Variants in CTXND2 observed in about 807,000 individuals in gnomAD.
CTXND2 encodes the protein cortexin domain containing 2.
intron 1 of CTXND2, among the ~76,000 whole-genome samples, chr1:150,901,179 C>CCT (rs1669020627): frequency 6.7e-6 from 1 of 148,860 alleles, no homozygotes; most frequent in Non-Finnish European, 1.5e-5. Context: ...AATAGGAATA[C>CCT]ATTTAAGAAA....
At chr1:150,888,069 TAAA>T (rs35935543) in intron 1 of CTXND2, among the ~76,000 whole-genome samples, 1 of 151,600 alleles carries the variant, frequency 6.6e-6, no homozygotes, top group South Asian at 2.1e-4. Flanking sequence ...AAAAGCCACT[TAAA>T]AAAAATTCTA....
chr1:150,893,129 T>C (rs914787529), intron 1 of CTXND2, among the ~76,000 whole-genome samples: 3 of 152,242 alleles, frequency 2.0e-5, no homozygotes, highest in Non-Finnish European at 1.5e-5. Flanking sequence ...AATGCCATTG[T>C]AAATGATGCT....
At chr1:150,903,169 T>C (rs778741133) in intron 1 of CTXND2, among the ~76,000 whole-genome samples, 25 of 152,118 alleles carry the variant, frequency 1.6e-4, no homozygotes, top group Non-Finnish European at 2.8e-4. Context: ...AATCCCTATG[T>C]TTTGTTTTGA....
At chr1:150,900,418 C>G (rs1389847762) in intron 1 of CTXND2, among the ~76,000 whole-genome samples, 3 of 152,218 alleles carry the variant, frequency 2.0e-5, no homozygotes, top group Non-Finnish European at 4.4e-5. Context: ...GACACACCAT[C>G]TTTAAGAACT....
At chr1:150,907,432 G>C (rs587674847) in intron 1 of CTXND2, among the ~76,000 whole-genome samples, 1 of 152,222 alleles carries the variant, frequency 6.6e-6, no homozygotes, top group South Asian at 2.1e-4. Flanking sequence ...TGCTGGGGGC[G>C]TTTGTGACTT....
In CTXND2 at chr1:150,906,776, C is replaced by T. The variant is rs185885927; in HGVS notation, c.-73-5466C>T. Among the ~76,000 whole-genome samples the T allele has an allele frequency of 7.3e-4, 111 of 152,244 alleles. 2 individuals are homozygous for T. The Middle Eastern group carries it at 0.01, about 14-fold the overall frequency. ...CCCCTTGAAGGACTTCAGGTGTCTC[C>T]GAAGGAGCAGGAGCAGTGGGAGGTG... is the stretch of plus-strand genomic sequence containing the variant. On this transcript the variant is annotated intron_variant, in intron 1 of 1. Coordinates refer to ENST00000636087, the Ensembl canonical transcript of CTXND2.
intron 1 of CTXND2, among the ~76,000 whole-genome samples, chr1:150,905,751 G>A (rs1669132622): frequency 6.6e-6 from 1 of 152,060 alleles, no homozygotes; most frequent in Non-Finnish European, 1.5e-5. Context: ...AGCACTTTGG[G>A]AGGCCGAGAC....
At chr1:150,888,462 G>A (rs748351895) in intron 1 of CTXND2, among the ~76,000 whole-genome samples, 23 of 151,698 alleles carry the variant, frequency 1.5e-4, no homozygotes, top group Middle Eastern at 3.4e-3. Context: ...GTGATCCCCC[G>A]CGACCTCGGC....
At chr1:150,900,338 A>G (rs1668987456) in intron 1 of CTXND2, among the ~76,000 whole-genome samples, 1 of 152,100 alleles carries the variant, frequency 6.6e-6, no homozygotes, top group Non-Finnish European at 1.5e-5. Context: ...CCTAAAGTCA[A>G]GCAAGACCAC....
rs186179016 is a variant in CTXND2 at position 150,901,298 on chromosome 1, A to G, written c.-73-10944A>G. 3.0e-4 allele frequency among the ~76,000 whole-genome samples: 46 copies of G among 152,352 alleles called. 1 individual carries two copies. Among genetic ancestry groups the G allele is most frequent in the African/African-American group, 9.9e-4 (41 of 41,586 alleles). ...ATGTTCACGGATCAGAAGACTTAAC[A>G]TTGTTAAGATGCCAGTACTCTCTAA... On this transcript the variant is annotated intron_variant, in intron 1 of 1. Transcript: ENST00000636087.
At chr1:150,900,267 C>T (rs749415805) in intron 1 of CTXND2, among the ~76,000 whole-genome samples, 11 of 151,946 alleles carry the variant, frequency 7.2e-5, no homozygotes, top group Non-Finnish European at 1.6e-4. Flanking sequence ...GAGGAACGAA[C>T]AACTCCGGAC....
intron 1 of CTXND2, among the ~76,000 whole-genome samples, chr1:150,897,652 T>C (rs950278147): frequency 1.3e-5 from 2 of 152,028 alleles, no homozygotes; most frequent in African/African-American, 4.8e-5. Flanking sequence ...ATACAGGGAG[T>C]GAGAAATCAC....
chr1:150,896,615 T>C (rs1668916359), intron 1 of CTXND2, among the ~76,000 whole-genome samples: 2 of 152,244 alleles, frequency 1.3e-5, no homozygotes. Context: ...TCTTTACTAC[T>C]ATAACACTAT....
intron 1 of CTXND2, among the ~76,000 whole-genome samples, chr1:150,897,606 G>C (rs1668928038): frequency 6.6e-6 from 1 of 152,182 alleles, no homozygotes; most frequent in Non-Finnish European, 1.5e-5. Flanking sequence ...ACAGGCATGA[G>C]CCACCACAGG....
At chr1:150,905,384 TC>T (rs978501755) in intron 1 of CTXND2, among the ~76,000 whole-genome samples, 31 of 64,176 alleles carry the variant, frequency 4.8e-4, no homozygotes, top group African/African-American at 1.4e-3. Flanking sequence ...CCTCAGGTGA[TC>T]CCCCCCAACC....
chr1:150,897,793 A>C (rs1668930623), intron 1 of CTXND2, among the ~76,000 whole-genome samples: 1 of 152,216 alleles, frequency 6.6e-6, no homozygotes, highest in Non-Finnish European at 1.5e-5. Flanking sequence ...ACAGATATTT[A>C]CCAATATTTC....
At chr1:150,890,654 C>T (rs1266725042) in intron 1 of CTXND2, among the ~76,000 whole-genome samples, 2 of 152,106 alleles carry the variant, frequency 1.3e-5, no homozygotes, top group East Asian at 3.8e-4. Context: ...CAGGCATGTG[C>T]CACCACGCCT....
At position 150,906,728 on chromosome 1, in the gene CTXND2, C is replaced by A. The variant is rs587719770; in HGVS notation, c.-73-5514C>A. 8.4e-3 allele frequency among the ~76,000 whole-genome samples: 1,286 copies of A among 152,276 alleles called. 7 individuals are homozygous for A. Among genetic ancestry groups the A allele is most frequent in the Non-Finnish European group, 0.012 (811 of 68,034 alleles). The stretch of plus-strand genomic sequence containing the variant: ...AGGAAGAAAATGTGGCCAATCCCCC[C>A]AACCCATCACAGTCTGGCCACTCCC... On this transcript the variant is annotated intron_variant, in intron 1 of 1. Coordinates refer to ENST00000636087, the Ensembl canonical transcript of CTXND2.
At chr1:150,898,992 G>A (rs1668955281) in intron 1 of CTXND2, among the ~76,000 whole-genome samples, 1 of 150,436 alleles carries the variant, frequency 6.6e-6, no homozygotes, top group Admixed American at 6.6e-5. Context: ...CAGCTACTTG[G>A]GGGGCTGAGG....
Sources: allele counts gnomAD v4.1 joint callset (sites outside exome capture counted in the v4.1 genomes callset), GRCh38; gene constraint gnomAD v4.1.1; transcripts MANE v1.5; gene names NCBI Gene and HGNC (gene_info 2026-07-23, HGNC 2026-07-21).